ESCO1: variants seen among roughly 807,000 people sequenced by gnomAD.
ESCO1 encodes the protein N-acetyltransferase ESCO1.
A neutral mutation model predicts 83.5 loss-of-function variants in ESCO1; 33 were observed. The ratio of observed to expected loss-of-function variants is 0.40; its 90% confidence interval spans 0.30 to 0.53. The LOEUF (loss-of-function observed/expected upper bound fraction) is 0.53. Ranked by LOEUF, ESCO1 falls within the 20% of genes least tolerant of loss-of-function variation. The probability of loss-of-function intolerance (pLI) is 0.63; values close to 1 mark genes in which losing one functional copy is unlikely to be tolerated. For synonymous variants in ESCO1, 332 were observed against 324.3 expected (o/e 1.02, Z -0.25); for missense variants, 855 against 968.0 (o/e 0.88, Z 1.55).
intron 2 of ESCO1, among the ~76,000 whole-genome samples, chr18:21,576,558 G>T (rs1013481466): frequency 1.3e-5 from 2 of 152,104 alleles, no homozygotes; most frequent in African/African-American, 4.8e-5. Context: ...AAAGGATAAA[G>T]AACAAGACAG....
chr18:21,543,645 A>C (rs2037934990), intron 8 of ESCO1, among the ~76,000 whole-genome samples: 1 of 152,216 alleles, frequency 6.6e-6, no homozygotes, highest in Non-Finnish European at 1.5e-5. Context: ...CCGACTTTAA[A>C]AGTTCACATT....
At chr18:21,562,965 G>A (rs917163499) in intron 7 of ESCO1, among the ~76,000 whole-genome samples, 2 of 149,772 alleles carry the variant, frequency 1.3e-5, no homozygotes, top group African/African-American at 2.5e-5. Context: ...TCCACCTTCC[G>A]AGTTCAAGGG....
chr18:21,580,111 C>T (rs1305232379), intron 2 of ESCO1, among the ~76,000 whole-genome samples: 2 of 151,834 alleles, frequency 1.3e-5, no homozygotes, highest in African/African-American at 4.8e-5. Context: ...ATTGGTCAGG[C>T]TGGTCTCGAA....
chr18:21,563,382 C>T (rs1051229218), intron 7 of ESCO1, among the ~76,000 whole-genome samples: 2 of 151,410 alleles, frequency 1.3e-5, no homozygotes, highest in African/African-American at 4.9e-5. Context: ...GAGTCTCGCT[C>T]TGTTGCCCAG....
At chr18:21,593,605 G>GGGAGAGGGAGAGGGAGAC (rs1163540318) in intron 1 of ESCO1, 3 of 147,440 alleles carry the variant, frequency 2.0e-5, no homozygotes, top group East Asian at 2.0e-4. Context: ...CGTAGGGAGA[G>GGGAGAGGGAGAGGGAGAC]GGAGAGGGAG....
At chr18:21,562,132 G>A (rs911487533) in intron 7 of ESCO1, among the ~76,000 whole-genome samples, 2 of 151,894 alleles carry the variant, frequency 1.3e-5, no homozygotes, top group Non-Finnish European at 2.9e-5. Flanking sequence ...CACCTGCCTC[G>A]GCCTCCCAAA....
intron 8 of ESCO1, 47 bp from the exon 9 acceptor site, chr18:21,540,056 T>G (rs1198382480): frequency 2.8e-6 from 4 of 1,447,116 alleles, no homozygotes; most frequent in African/African-American, 2.9e-5. Context: ...AGTATGAATT[T>G]TATGTATATT....
chr18:21,564,230 C>G lies in ESCO1; in HGVS notation c.1794G>C (p.Glu598Asp). ...TAATCAACTGTTTTTCATCAGTTTT[C>G]TCTGCTTCTTTTAGTTTCAAGTCCT... Reference protein sequence around the residue: ...IPKDLKLKEAEKTDEKQLIID... With the variant: ...IPKDLKLKEADKTDEKQLIID... The change falls in exon 7 of 12, where the codon GAG becomes GAC. Residue 598 changes from glutamate to aspartate, a missense_variant. Around this residue, in one of 2 missense-constraint regions of ESCO1, gnomAD observed 726 missense variants for 699.5 expected, o/e 1.04. Coordinates refer to ENST00000269214, the MANE Select transcript of ESCO1 (RefSeq NM_052911.3). 1 of 1,606,960 alleles carries G rather than the reference C, an allele frequency of 6.2e-7. No homozygotes were observed. The highest frequency in any genetic ancestry group is 8.5e-7 in the Non-Finnish European group (1 of 1,175,910).
chr18:21,568,089 G>C lies in ESCO1; in HGVS notation c.1536C>G (p.Phe512Leu). 1.2e-6 allele frequency: 2 copies of C among 1,612,128 alleles called. No individual in the cohort carries two copies. The highest frequency in any genetic ancestry group is 1.7e-6 in the Non-Finnish European group (2 of 1,178,646). ...HSFDSASNKN[F>L]SQCLESKLEN... ...CTAGCTTGGATTCCAAACATTGGCT[G>C]AAATTCTGAACACATATAATTCAAA... The change falls in exon 5 of 12, where the codon TTC (phenylalanine) becomes TTG (leucine). Residue 512 changes from phenylalanine (F) to leucine (L), a missense_variant. Coordinates refer to ENST00000269214, the MANE Select transcript of ESCO1 (RefSeq NM_052911.3).
rs527670164 is a variant in ESCO1, at chr18:21,564,312, G to A, written c.1712C>T (p.Thr571Ile). The part of the protein sequence containing the change: ...QTSKSSDNRE[T>I]PRNHSLPKCN... The stretch of plus-strand genomic sequence containing the variant: ...CTTAGGCAAAGAATGATTTCGTGGT[G>A]TCTCCCTTAAAAAAAATAAAATTAC... The change falls in exon 7 of 12, where the codon ACA becomes ATA. Residue 571 changes from threonine (T) to isoleucine (I), a missense_variant. By Grantham distance (89) the Thr-to-Ile change is moderately conservative (BLOSUM62 -1). This residue lies in a region of ESCO1 where 726 missense variants were observed against 699.5 expected (regional missense o/e 1.04). Transcript: ENST00000269214. 3 of 1,595,202 alleles carry A rather than the reference G, an allele frequency of 1.9e-6. No individual in the cohort carries two copies. The highest frequency in any genetic ancestry group is 2.3e-5 in the South Asian group (2 of 88,390).
chr18:21,564,300 T>C lies in ESCO1; in HGVS notation c.1724A>G (p.His575Arg). 6.2e-7 allele frequency: 1 copy of C among 1,609,350 alleles called. No homozygotes were observed. Among genetic ancestry groups the C allele is most frequent in the Non-Finnish European group, 8.5e-7 (1 of 1,177,742 alleles). ...SSDNRETPRN[H>R]SLPKCNSHLE... ...ATGGGAATTACACTTAGGCAAAGAATGATTTCGTGGTGTCTCCCTTAAAAA... is the reference window on the plus strand; with the variant it reads ...ATGGGAATTACACTTAGGCAAAGAACGATTTCGTGGTGTCTCCCTTAAAAA... The change falls in exon 7 of 12, where the codon CAT (histidine) becomes CGT (arginine). Residue 575 changes from histidine to arginine, a missense_variant. Around this residue, in one of 2 missense-constraint regions of ESCO1, gnomAD observed 726 missense variants for 699.5 expected, o/e 1.04. Transcript: ENST00000269214.
At chr18:21,551,938 A>C (rs2038052509) in intron 8 of ESCO1, among the ~76,000 whole-genome samples, 1 of 152,234 alleles carries the variant, frequency 6.6e-6, no homozygotes, top group African/African-American at 2.4e-5. Flanking sequence ...GGGTAAGGGA[A>C]AGGATACTAT....
chr18:21,579,993 T>A (rs2038478967), intron 2 of ESCO1, among the ~76,000 whole-genome samples: 1 of 150,356 alleles, frequency 6.7e-6, no homozygotes, highest in Non-Finnish European at 1.5e-5. Flanking sequence ...TCTCCCGGGT[T>A]CAAGCAATTC....
chr18:21,568,732 G>A (rs1487642793), intron 4 of ESCO1, among the ~76,000 whole-genome samples: 4 of 151,888 alleles, frequency 2.6e-5, no homozygotes, highest in Non-Finnish European at 5.9e-5. Flanking sequence ...GTGAAACCTC[G>A]TCTCTACTAA....
Position 21,532,547 on chromosome 18 carries a change from G to A in ESCO1, c.2301C>T (p.Cys767=), listed in dbSNP as rs200274497. 117 of 1,613,992 alleles carry A rather than the reference G, an allele frequency of 7.2e-5. No individual in the cohort carries two copies. Among genetic ancestry groups the A allele is most frequent in the East Asian group, 1.3e-4 (6 of 44,896 alleles). ...TGAATACCCATATTCGACTGATCCC[G>A]CAGATTGCAGGCTCTGGTAATGTTG... ...CCSTLPEPAI[C]GISRIWVFSM... The change falls in exon 11 of 12, where the codon TGC becomes TGT. Residue 767 remains cysteine, a synonymous_variant. Transcript: ENST00000269214.
chr18:21,535,240 A>C (rs1340254643), intron 10 of ESCO1, among the ~76,000 whole-genome samples: 2 of 150,754 alleles, frequency 1.3e-5, no homozygotes, highest in African/African-American at 4.9e-5. Context: ...TTTGAGACGG[A>C]GTCTCACTCT....
chr18:21,591,646 G>C (rs143603891), intron 1 of ESCO1, among the ~76,000 whole-genome samples: 48 of 148,890 alleles, frequency 3.2e-4, no homozygotes, highest in African/African-American at 1.2e-3. Context: ...AGTTCACATG[G>C]ATCACCACAG....
At chr18:21,537,437 G>A (rs1474092015) in intron 9 of ESCO1, among the ~76,000 whole-genome samples, 1 of 152,092 alleles carries the variant, frequency 6.6e-6, no homozygotes, top group Admixed American at 6.6e-5. Context: ...CAGGAGACTG[G>A]GGCAGGAGGG....
chr18:21,591,367 T>A (rs2146233142), intron 1 of ESCO1, among the ~76,000 whole-genome samples: 1 of 152,336 alleles, frequency 6.6e-6, no homozygotes, highest in East Asian at 1.9e-4. Context: ...ATTTCTATTG[T>A]TTTAAGCCAT....
Sources: gnomAD v4.1 joint callset for allele counts (sites outside exome capture counted in the v4.1 genomes callset) on GRCh38, gnomAD v4.1.1 for gene constraint, gnomAD v4.1.1 regional missense constraint, MANE v1.5 for transcripts, NCBI Gene and HGNC (gene_info 2026-07-23, HGNC 2026-07-21) for gene names.